MLLT10: variants seen among roughly 807,000 people sequenced by gnomAD.
MLLT10 encodes MLLT10 histone lysine methyltransferase DOT1L cofactor.
In MLLT10, 30 loss-of-function variants were observed where a neutral mutation model predicts 129.1. That is an observed-to-expected ratio of 0.23 (90% CI 0.17 to 0.32). The LOEUF (loss-of-function observed/expected upper bound fraction) is 0.32. Among genes scored for constraint, MLLT10 ranks in the 10% least tolerant of loss-of-function variants. The pLI, the probability that MLLT10 is intolerant of heterozygous loss-of-function variation, is 1.00. For missense variants in MLLT10, 1,119 were observed against 1,268.3 expected, an observed-to-expected ratio of 0.88 and a Z score of 1.79; for synonymous variants, 490 against 446.4, an observed-to-expected ratio of 1.10 and a Z score of -1.23.
At chr10:21,605,119 A>G (rs1235743605) in intron 5 of MLLT10, among the ~76,000 whole-genome samples, 2 of 151,596 alleles carry the variant, frequency 1.3e-5, no homozygotes, top group African/African-American at 4.8e-5. Context: ...AATATACCTT[A>G]TTTATTTAAC....
intron 21 of MLLT10, chr10:21,738,267 CA>C (rs71886796): frequency 0.05 from 15,980 of 320,056 alleles, 16 homozygotes; most frequent in Non-Finnish European, 0.059. Flanking sequence ...GACTCGGTCT[CA>C]AAAAAAAAAA....
chr10:21,726,115 T>C (rs1383533711), intron 14 of MLLT10, 129 bp from the exon 15 acceptor site: 4 of 643,424 alleles, frequency 6.2e-6, no homozygotes, highest in African/African-American at 1.9e-5. Context: ...GAAATTTGCT[T>C]TTCAGAAGGT....
At chr10:21,733,126 A>C (rs1455015945) in intron 18 of MLLT10, 39 bp downstream of exon 18, 2 of 1,544,850 alleles carry the variant, frequency 1.3e-6, no homozygotes, top group East Asian at 2.3e-5. Context: ...TAAGGAAAAT[A>C]GGCTTTCAGT....
chr10:21,534,275 C>A lies in MLLT10; in HGVS notation c.-246C>A, dbSNP rs1443810838. 5.0e-6 allele frequency: 2 copies of A among 400,304 alleles called. No homozygotes were observed. The highest frequency in any genetic ancestry group is 8.8e-6 in the Non-Finnish European group (2 of 226,710). 24.8% of individuals were successfully genotyped at this position (400,304 alleles called of 1,614,324 possible). ...TCCGAGGAGGAAGCGCAGCCCCCTT[C>A]CCCTCCCTCGCTGCCCCTGGCCCAG... On this transcript the variant is annotated 5_prime_UTR_variant, in exon 1 of 23. Coordinates refer to ENST00000307729, the MANE Select transcript of MLLT10 (RefSeq NM_001195626.3).
At chr10:21,680,410 T>G (rs1157598965) in intron 11 of MLLT10, among the ~76,000 whole-genome samples, 3 of 151,916 alleles carry the variant, frequency 2.0e-5, no homozygotes, top group Non-Finnish European at 4.4e-5. Context: ...TTCGCCTTAT[T>G]GGGCAGGCTG....
At chr10:21,606,913 A>G (rs2044121641) in intron 5 of MLLT10, among the ~76,000 whole-genome samples, 1 of 152,224 alleles carries the variant, frequency 6.6e-6, no homozygotes, top group Non-Finnish European at 1.5e-5. Context: ...AAACAGCAGC[A>G]CATACTACAG....
At chr10:21,701,885 G>C (rs1404838379) in intron 13 of MLLT10, among the ~76,000 whole-genome samples, 1 of 151,730 alleles carries the variant, frequency 6.6e-6, no homozygotes, top group East Asian at 1.9e-4. Context: ...CACCGCACCT[G>C]GTTATGTTAT....
intron 3 of MLLT10, among the ~76,000 whole-genome samples, chr10:21,576,733 C>G (rs1270730659): frequency 6.6e-6 from 1 of 151,702 alleles, no homozygotes. Context: ...CGGGTTCAAG[C>G]GATTCTCCTG....
intron 3 of MLLT10, among the ~76,000 whole-genome samples, chr10:21,562,313 T>C (rs2038918266): frequency 6.6e-6 from 1 of 151,512 alleles, no homozygotes; most frequent in Non-Finnish European, 1.5e-5. Context: ...TAGATTGCTT[T>C]TTTTTATTTT....
chr10:21,726,637 C>G (rs772202008), intron 15 of MLLT10, among the ~76,000 whole-genome samples: 39 of 148,222 alleles, frequency 2.6e-4, no homozygotes, highest in Non-Finnish European at 5.5e-4. Flanking sequence ...AAAAGAATCA[C>G]AGTTGGAAGT....
At chr10:21,670,997 G>C in intron 10 of MLLT10, 1 of 267,942 alleles carries the variant, frequency 3.7e-6, no homozygotes, top group South Asian at 6.2e-5. Context: ...AATAATAAAA[G>C]CTGGAGCTTT....
intron 13 of MLLT10, among the ~76,000 whole-genome samples, chr10:21,696,217 T>G (rs1295975524): frequency 6.6e-6 from 1 of 152,094 alleles, no homozygotes; most frequent in Non-Finnish European, 1.5e-5. Context: ...TTATTATTTT[T>G]TTTTTGAGCT....
At chr10:21,547,753 G>T (rs2036343834) in intron 3 of MLLT10, among the ~76,000 whole-genome samples, 2 of 152,034 alleles carry the variant, frequency 1.3e-5, no homozygotes, top group South Asian at 2.1e-4. Flanking sequence ...TGGCCAGGCT[G>T]TTCTTGAACT....
chr10:21,574,435 A>G (rs767996057), intron 3 of MLLT10, among the ~76,000 whole-genome samples: 84 of 152,290 alleles, frequency 5.5e-4, no homozygotes, highest in Middle Eastern at 6.8e-3. Flanking sequence ...CCCAATCCAG[A>G]CCCCAAGAGA....
intron 13 of MLLT10, among the ~76,000 whole-genome samples, chr10:21,708,391 A>G (rs2055738080): frequency 6.6e-6 from 1 of 152,232 alleles, no homozygotes; most frequent in African/African-American, 2.4e-5. Context: ...ATGAAAATAG[A>G]GTGAAGTTAA....
At chr10:21,579,603 C>A (rs1037612897) in intron 3 of MLLT10, among the ~76,000 whole-genome samples, 2 of 149,212 alleles carry the variant, frequency 1.3e-5, no homozygotes, top group African/African-American at 2.5e-5. Flanking sequence ...GCTCTTGTTG[C>A]CCAAACTGGA....
At chr10:21,553,582 C>T (rs7078223) in intron 3 of MLLT10, among the ~76,000 whole-genome samples, 2,723 of 152,016 alleles carry the variant, frequency 0.018, 92 homozygotes, top group African/African-American at 0.061. Context: ...CTGCCTCAGC[C>T]TCCTAAAGAG....
rs1162706993 is a variant in MLLT10, at chr10:21,742,527, A to G, written c.*544A>G. 2 of 199,658 alleles carry G rather than the reference A, an allele frequency of 1.0e-5. No homozygotes were observed. Among genetic ancestry groups the G allele is most frequent in the East Asian group, 1.5e-4 (2 of 13,726 alleles). 12.4% of individuals were successfully genotyped at this position (199,658 alleles called of 1,614,324 possible). On this transcript the variant is annotated 3_prime_UTR_variant, in exon 23 of 23. Transcript: ENST00000307729. Reference sequence around the variant, plus strand: ...CACCTGGGACTTGGCAATCTTTGTTAAAAAAAAATTTCCTTTCTAATGGGA... The same window carrying G: ...CACCTGGGACTTGGCAATCTTTGTTGAAAAAAAATTTCCTTTCTAATGGGA...
At chr10:21,603,589 A>G (rs2043770091) in intron 5 of MLLT10, among the ~76,000 whole-genome samples, 1 of 152,096 alleles carries the variant, frequency 6.6e-6, no homozygotes, top group African/African-American at 2.4e-5. Flanking sequence ...CAATTCTAAC[A>G]CATGACCAGC....
Sources: gnomAD v4.1 joint callset for allele counts (sites outside exome capture counted in the v4.1 genomes callset) on GRCh38, gnomAD v4.1.1 for gene constraint, MANE v1.5 for transcripts, NCBI Gene and HGNC (gene_info 2026-07-23, HGNC 2026-07-21) for gene names.